The following WWOX variants were observed in gnomAD, a reference collection of about 807,000 sequenced individuals.
The protein encoded by WWOX is WW domain containing oxidoreductase.
Under a neutral mutation model 46.2 loss-of-function variants are expected in WWOX, and 69 were observed. The ratio of observed to expected loss-of-function variants is 1.49; its 90% CI spans 1.23 to 1.82. WWOX has a LOEUF of 1.82. WWOX is among the 40% of genes most tolerant of loss of function. The probability of loss-of-function intolerance (pLI) is 0.00; values close to 1 mark genes in which losing one functional copy is unlikely to be tolerated. For synonymous variants in WWOX, 359 were observed against 202.6 expected (o/e 1.77, Z -6.56); for missense variants, 919 against 542.6 (o/e 1.69, Z -6.89).
chr16:79,101,870 T>TG, intron 8 of WWOX: 1 of 151,018 alleles, frequency 6.6e-6, no homozygotes, highest in African/African-American at 2.4e-5. Context: ...AGTACAGCGT[T>TG]TTGGAGAGAG....
intron 1 of WWOX, among the ~76,000 whole-genome samples, chr16:78,103,913 GCACACA>G (rs1311121386): frequency 1.3e-5 from 2 of 151,896 alleles, no homozygotes; most frequent in African/African-American, 4.8e-5. Context: ...TGCCTCAAAG[GCACACA>G]TGTCCTAGCA....
chr16:79,065,601 A>C (rs748957055), intron 8 of WWOX, among the ~76,000 whole-genome samples: 9 of 152,194 alleles, frequency 5.9e-5, no homozygotes, highest in Non-Finnish European at 1.2e-4. Context: ...CTACAGGAAT[A>C]ATTGGGGAAG....
At chr16:78,433,012 T>C (rs2083260623) in intron 8 of WWOX, among the ~76,000 whole-genome samples, 1 of 138,932 alleles carries the variant, frequency 7.2e-6, no homozygotes, top group Admixed American at 6.8e-5. Context: ...ATGGAAATGG[T>C]GATTTTTTTG....
intron 8 of WWOX, among the ~76,000 whole-genome samples, chr16:78,603,561 G>A (rs1293877490): frequency 1.3e-5 from 2 of 152,136 alleles, no homozygotes; most frequent in Non-Finnish European, 2.9e-5. Context: ...GGGCGTGGTG[G>A]CAGCCACCTG....
intron 4 of WWOX, among the ~76,000 whole-genome samples, chr16:78,156,447 C>T (rs541719711): frequency 7.9e-5 from 12 of 152,278 alleles, no homozygotes; most frequent in Non-Finnish European, 1.2e-4. Context: ...AGAGGGCCAT[C>T]GTGTTGCAGT....
chr16:78,130,602 A>G (rs2151695714), intron 4 of WWOX, among the ~76,000 whole-genome samples: 1 of 152,214 alleles, frequency 6.6e-6, no homozygotes, highest in Admixed American at 6.5e-5. Flanking sequence ...GGCACAGGCT[A>G]TTTTCCATGG....
intron 5 of WWOX, among the ~76,000 whole-genome samples, chr16:78,378,123 C>A (rs895435105): frequency 6.6e-6 from 1 of 151,744 alleles, no homozygotes; most frequent in African/African-American, 2.4e-5. Context: ...CCCGCCCTGC[C>A]CCCTGCCTAA....
intron 8 of WWOX, among the ~76,000 whole-genome samples, chr16:78,821,676 C>G (rs1020210177): frequency 2.0e-5 from 3 of 152,142 alleles, no homozygotes; most frequent in Non-Finnish European, 2.9e-5. Flanking sequence ...TCACAGGTGA[C>G]AAAGACAGAG....
At chr16:78,467,964 T>G (rs1239137614) in intron 8 of WWOX, among the ~76,000 whole-genome samples, 1 of 152,212 alleles carries the variant, frequency 6.6e-6, no homozygotes, top group Non-Finnish European at 1.5e-5. Context: ...TTCTGACATC[T>G]GTTGACAAAT....
chr16:78,661,039 G>A (rs1169455003), intron 8 of WWOX, among the ~76,000 whole-genome samples: 1 of 152,160 alleles, frequency 6.6e-6, no homozygotes, highest in Non-Finnish European at 1.5e-5. Flanking sequence ...AGTAATGAAT[G>A]TTCCTGCATG....
chr16:78,554,258 G>A (rs1016766722), intron 8 of WWOX, among the ~76,000 whole-genome samples: 9 of 152,140 alleles, frequency 5.9e-5, no homozygotes, highest in Non-Finnish European at 1.3e-4. Flanking sequence ...GAACTGTCAA[G>A]ATTTTCACTA....
intron 8 of WWOX, among the ~76,000 whole-genome samples, chr16:79,062,466 G>T (rs1048099776): frequency 6.6e-6 from 1 of 152,120 alleles, no homozygotes; most frequent in Non-Finnish European, 1.5e-5. Flanking sequence ...TCCCGGTGCC[G>T]TGCGGTGTAA....
At chr16:78,301,617 G>A (rs563319099) in intron 5 of WWOX, among the ~76,000 whole-genome samples, 13 of 152,242 alleles carry the variant, frequency 8.5e-5, no homozygotes, top group African/African-American at 1.2e-4. Context: ...GGCTTCCCAC[G>A]GCTCTGAGCT....
chr16:78,751,926 C>T (rs1232136982), intron 8 of WWOX, among the ~76,000 whole-genome samples: 3 of 152,072 alleles, frequency 2.0e-5, no homozygotes, highest in Non-Finnish European at 2.9e-5. Context: ...ATGAATAACC[C>T]AACTGTGTCT....
chr16:78,804,964 G>T (rs907069305), intron 8 of WWOX, among the ~76,000 whole-genome samples: 9 of 152,182 alleles, frequency 5.9e-5, no homozygotes, highest in Admixed American at 5.2e-4. Context: ...GTCTATGGAT[G>T]GTTTCCATTG....
chr16:78,983,772 T>C (rs1597237397), intron 8 of WWOX, among the ~76,000 whole-genome samples: 1 of 152,150 alleles, frequency 6.6e-6, no homozygotes, highest in African/African-American at 2.4e-5. Context: ...GTTAAACCCC[T>C]GTGACTTTGA....
chr16:78,856,158 C>A (rs2052561302), intron 8 of WWOX, among the ~76,000 whole-genome samples: 1 of 151,962 alleles, frequency 6.6e-6, no homozygotes, highest in South Asian at 2.1e-4. Flanking sequence ...CAGTCTGGTC[C>A]CTAGAAATAA....
chr16:78,397,563 G>C (rs908714554), intron 6 of WWOX, among the ~76,000 whole-genome samples: 1 of 152,196 alleles, frequency 6.6e-6, no homozygotes, highest in Admixed American at 6.5e-5. Flanking sequence ...AGCTTGCATA[G>C]TAGCTTGGAG....
chr16:78,257,999 T>G (rs2038177071), intron 5 of WWOX, among the ~76,000 whole-genome samples: 1 of 152,206 alleles, frequency 6.6e-6, no homozygotes, highest in African/African-American at 2.4e-5. Context: ...AACAACTATA[T>G]TTAAATGCAG....
Sources: gnomAD v4.1 joint callset for allele counts (sites outside exome capture counted in the v4.1 genomes callset) on GRCh38, gnomAD v4.1.1 for gene constraint, MANE v1.5 for transcripts, NCBI Gene and HGNC (gene_info 2026-07-23, HGNC 2026-07-21) for gene names.